DMD: variants seen among roughly 807,000 people sequenced by gnomAD.
The protein encoded by DMD is mutant dystrophin.
In DMD, 63 loss-of-function variants were observed where a neutral mutation model predicts 330.1. That is an observed-to-expected ratio of 0.19 (90% CI 0.16 to 0.24). The LOEUF (loss-of-function observed/expected upper bound fraction) is 0.24, where lower values mean the gene tolerates loss of function less well. Ranked by LOEUF, DMD falls within the 10% of genes least tolerant of loss-of-function variation. DMD has a pLI of 1.00. For missense variants in DMD, 3,344 were observed against 2,684.1 expected (o/e 1.25, Z -5.43); for synonymous variants, 1,223 against 959.8 (o/e 1.27, Z -5.07).
intron 64 of DMD, among the ~76,000 whole-genome samples, chrX:31,210,149 ACT>A (rs1310873607): frequency 1.8e-5 from 2 of 111,436 alleles, no homozygotes; most frequent in Non-Finnish European, 3.8e-5. Flanking sequence ...GGTTGTGTAA[ACT>A]CTATTTCTAG....
intron 7 of DMD, among the ~76,000 whole-genome samples, chrX:32,705,560 T>TCC (rs1003048221): frequency 8.9e-6 from 1 of 111,738 alleles, no homozygotes; most frequent in African/African-American, 3.3e-5. Flanking sequence ...ATGCCTGTAA[T>TCC]CCCAGCACTT....
At chrX:32,732,648 C>T (rs908866264) in intron 7 of DMD, among the ~76,000 whole-genome samples, 6 of 111,011 alleles carry the variant, frequency 5.4e-5, no homozygotes, top group African/African-American at 6.6e-5. Flanking sequence ...CAGAATTTCA[C>T]ATCCAGGCAA....
chrX:33,217,225 C>T (rs1182394008), intron 1 of DMD, among the ~76,000 whole-genome samples: 1 of 110,890 alleles, frequency 9.0e-6, no homozygotes, highest in Non-Finnish European at 1.9e-5. Context: ...GGAAAATATG[C>T]TAGTTTGTGA....
intron 19 of DMD, among the ~76,000 whole-genome samples, chrX:32,492,267 G>C (rs888386718): frequency 1.8e-5 from 2 of 112,130 alleles, no homozygotes; most frequent in Admixed American, 1.9e-4. Context: ...GAACCCGGGA[G>C]GCGGAGCTTG....
intron 1 of DMD, among the ~76,000 whole-genome samples, chrX:33,103,529 C>T (rs977587145): frequency 9.0e-6 from 1 of 110,936 alleles, no homozygotes; most frequent in Non-Finnish European, 1.9e-5. Flanking sequence ...TTGTGACCCC[C>T]ACTCCTGCCC....
At chrX:32,977,006 G>T (rs949837161) in intron 2 of DMD, among the ~76,000 whole-genome samples, 1 of 111,396 alleles carries the variant, frequency 9.0e-6, no homozygotes, top group Non-Finnish European at 1.9e-5. Flanking sequence ...AAAGAAACAC[G>T]GTAGCCTGGC....
intron 7 of DMD, among the ~76,000 whole-genome samples, chrX:32,796,037 A>G (rs1475602076): frequency 9.0e-6 from 1 of 111,695 alleles, no homozygotes; most frequent in Non-Finnish European, 1.9e-5. Flanking sequence ...CCACTATTGA[A>G]AACAGTATGG....
intron 64 of DMD, among the ~76,000 whole-genome samples, chrX:31,210,734 C>T (rs180679520): frequency 2.8e-4 from 31 of 111,850 alleles, no homozygotes; most frequent in Non-Finnish European, 3.6e-4. Flanking sequence ...AGGTAAATCC[C>T]GCTCAGTAAA....
intron 2 of DMD, among the ~76,000 whole-genome samples, chrX:32,938,018 T>C (rs932044165): frequency 2.7e-5 from 3 of 111,083 alleles, no homozygotes; most frequent in Non-Finnish European, 5.7e-5. Flanking sequence ...CTTTTCAAAC[T>C]GAGATGCTCG....
chrX:32,935,346 T>G (rs913949719), intron 2 of DMD, among the ~76,000 whole-genome samples: 2 of 112,326 alleles, frequency 1.8e-5, no homozygotes, highest in Admixed American at 1.9e-4. Flanking sequence ...ATAATAACTA[T>G]GGCTGCTTTG....
At chrX:32,983,787 T>G (rs2092773256) in intron 2 of DMD, among the ~76,000 whole-genome samples, 1 of 111,640 alleles carries the variant, frequency 9.0e-6, no homozygotes, top group Non-Finnish European at 1.9e-5. Context: ...TCAATTTTGA[T>G]TTTTTTATTT....
At chrX:31,451,825 A>G (rs1196942022) in intron 59 of DMD, among the ~76,000 whole-genome samples, 1 of 102,013 alleles carries the variant, frequency 9.8e-6, no homozygotes, top group African/African-American at 3.8e-5. Flanking sequence ...TATGCCATTG[A>G]AACGTACTTT....
chrX:31,178,912 T>A, intron 69 of DMD, 107 bp from the exon 70 acceptor site: 1 of 985,579 alleles, frequency 1.0e-6, no homozygotes, highest in Non-Finnish European at 1.4e-6. Context: ...TTAAGGAGAG[T>A]GTTGTGGTTG....
At chrX:31,536,154 A>G (rs976737472) in intron 55 of DMD, among the ~76,000 whole-genome samples, 2 of 111,594 alleles carry the variant, frequency 1.8e-5, no homozygotes, top group African/African-American at 6.5e-5. Context: ...GACTAGTCAC[A>G]TGGCCTGAAA....
intron 62 of DMD, among the ~76,000 whole-genome samples, chrX:31,270,425 C>T (rs892654937): frequency 9.0e-6 from 1 of 111,397 alleles, no homozygotes; most frequent in Non-Finnish European, 1.9e-5. Context: ...GAGACTCAGT[C>T]ATTGGATAAA....
In DMD at chrX:31,766,873, T is replaced by TTGTGTGTGTGTGTGTGTGTG. The variant is rs756777827; in HGVS notation, c.7542+7067_7542+7086dup. On this transcript the variant is annotated intron_variant, in intron 51 of 78. Transcript: ENST00000357033. Reference sequence around the variant, plus strand: ...ATTAGGAGACTTAGAAAATATGATTTTGTGTGTGTGTGTGTGTGTGTGTGT... The same window carrying TTGTGTGTGTGTGTGTGTGTG: ...ATTAGGAGACTTAGAAAATATGATTTTGTGTGTGTGTGTGTGTGTGTGTGTGTGTGTGTGTGTGTGTGTGT... Among the ~76,000 whole-genome samples, 470 of 101,064 alleles carry TTGTGTGTGTGTGTGTGTGTG rather than the reference T, an allele frequency of 4.7e-3. 1 individual carries two copies. The highest frequency in any genetic ancestry group is 0.011 in the African/African-American group (292 of 27,617). 87.8% of individuals were successfully genotyped at this position (101,064 alleles called of 115,157 possible).
At chrX:31,232,864 A>C (rs1254891535) in intron 63 of DMD, among the ~76,000 whole-genome samples, 1 of 111,741 alleles carries the variant, frequency 8.9e-6, no homozygotes, top group Admixed American at 9.5e-5. Flanking sequence ...AAATCTTCAA[A>C]TTCATTTCCT....
chrX:32,146,765 G>A (rs757308729), intron 44 of DMD, among the ~76,000 whole-genome samples: 3 of 112,240 alleles, frequency 2.7e-5, no homozygotes, highest in East Asian at 2.8e-4. Flanking sequence ...AAACGCAGAT[G>A]TTTTACATAC....
intron 43 of DMD, among the ~76,000 whole-genome samples, chrX:32,268,126 G>A (rs2097351448): frequency 9.0e-6 from 1 of 111,102 alleles, no homozygotes; most frequent in African/African-American, 3.3e-5. Context: ...GCTGGATAGG[G>A]AAGTGCAGTG....
Sources: gnomAD v4.1 joint callset for allele counts (sites outside exome capture counted in the v4.1 genomes callset) on GRCh38, gnomAD v4.1.1 for gene constraint, MANE v1.5 for transcripts, NCBI Gene and HGNC (gene_info 2026-07-23, HGNC 2026-07-21) for gene names.